SPAG16: variants seen among roughly 807,000 people sequenced by gnomAD.
SPAG16 encodes sperm-associated antigen 16 protein.
Under a neutral mutation model 80.4 loss-of-function variants are expected in SPAG16, and 86 were observed. That is an observed-to-expected ratio of 1.07 (90% CI 0.90 to 1.28). The LOEUF is 1.28. Ranked by LOEUF, SPAG16 falls within the 50% of genes most tolerant of loss-of-function variation. SPAG16 has a pLI of 0.00. For missense variants in SPAG16, 870 were observed against 765.3 expected (o/e 1.14, Z -1.61); for synonymous variants, 294 against 265.9 (o/e 1.11, Z -1.03).
intron 10 of SPAG16, among the ~76,000 whole-genome samples, chr2:213,775,260 A>G (rs2069502611): frequency 6.6e-6 from 1 of 152,032 alleles, no homozygotes; most frequent in African/African-American, 2.4e-5. Flanking sequence ...ACCATTTTGT[A>G]TTTCTTTGTA....
At chr2:214,112,639 C>CTT (rs56776022) in intron 14 of SPAG16, among the ~76,000 whole-genome samples, 46,761 of 112,534 alleles carry the variant, frequency 0.42, 11,309 homozygotes, top group Admixed American at 0.5. Context: ...GCAACCCCTG[C>CTT]TTTTTTTTTT....
In SPAG16 at chr2:214,264,569, T is replaced by A. The variant is rs1025239537; in HGVS notation, c.1720+115303T>A. Among the ~76,000 whole-genome samples, 4 of 152,188 alleles carry A rather than the reference T, an allele frequency of 2.6e-5. 1 individual carries two copies. The highest frequency in any genetic ancestry group is 9.7e-5 in the African/African-American group (4 of 41,446). ...CCCCCTTACACTATATTTTGTATTA[T>A]TAACATTTTGCATTCGTATGGTACA... On this transcript the variant is annotated intron_variant, in intron 15 of 15. Coordinates refer to ENST00000331683, the MANE Select transcript of SPAG16 (RefSeq NM_024532.5).
intron 11 of SPAG16, among the ~76,000 whole-genome samples, chr2:213,898,668 T>C (rs1315283107): frequency 6.6e-6 from 1 of 152,134 alleles, no homozygotes; most frequent in Non-Finnish European, 1.5e-5. Context: ...TATTTATACT[T>C]TAAGGATGAA....
intron 10 of SPAG16, among the ~76,000 whole-genome samples, chr2:213,522,884 G>T (rs1332497582): frequency 6.7e-6 from 1 of 149,542 alleles, no homozygotes; most frequent in African/African-American, 2.4e-5. Context: ...AGGCATTTTA[G>T]AATATATTTA....
At chr2:214,312,836 C>T (rs970781769) in intron 15 of SPAG16, among the ~76,000 whole-genome samples, 1 of 152,084 alleles carries the variant, frequency 6.6e-6, no homozygotes, top group Non-Finnish European at 1.5e-5. Context: ...TACTCTATTT[C>T]TGAATGGACT....
chr2:213,346,175 C>G lies in SPAG16; in HGVS notation c.645-4353C>G, dbSNP rs575043963. Among the ~76,000 whole-genome samples, 283 of 152,146 alleles carry G rather than the reference C, an allele frequency of 1.9e-3. 1 individual carries two copies. The highest frequency in any genetic ancestry group is 6.5e-3 in the African/African-American group (271 of 41,508). On this transcript the variant is annotated intron_variant, in intron 6 of 15. Transcript: ENST00000331683. ...ATGGGAGTTCACTCATGATTTGGCT[C>G]TCTGTTTGTCTGTTATTGGTGTATA...
chr2:213,453,885 G>A (rs73986873), intron 9 of SPAG16, among the ~76,000 whole-genome samples: 2,147 of 152,272 alleles, frequency 0.014, 45 homozygotes, highest in African/African-American at 0.048. Context: ...CAAAAACATT[G>A]CAGAGGAAAG....
intron 10 of SPAG16, among the ~76,000 whole-genome samples, chr2:213,796,640 G>A (rs1261074863): frequency 6.6e-6 from 1 of 152,098 alleles, no homozygotes; most frequent in East Asian, 1.9e-4. Flanking sequence ...TTAAGTTGTA[G>A]CACAATGCAT....
At chr2:214,300,258 A>G (rs1308592595) in intron 15 of SPAG16, among the ~76,000 whole-genome samples, 4 of 152,152 alleles carry the variant, frequency 2.6e-5, no homozygotes, top group African/African-American at 7.2e-5. Context: ...TCAATTGTTA[A>G]AAGCTATAAA....
chr2:214,111,509 T>C (rs2053662651), intron 14 of SPAG16, among the ~76,000 whole-genome samples: 4 of 152,204 alleles, frequency 2.6e-5, no homozygotes, highest in Admixed American at 2.6e-4. Context: ...TTGATACTAG[T>C]ACCATGCTCT....
intron 12 of SPAG16, among the ~76,000 whole-genome samples, chr2:213,959,333 C>T (rs990918546): frequency 1.3e-5 from 2 of 152,086 alleles, no homozygotes; most frequent in African/African-American, 4.8e-5. Flanking sequence ...AATATAGTCA[C>T]CACTTAATAT....
intron 15 of SPAG16, among the ~76,000 whole-genome samples, chr2:214,370,298 A>C (rs1453296214): frequency 1.2e-4 from 18 of 152,086 alleles, no homozygotes; most frequent in Non-Finnish European, 1.5e-5. Context: ...GTCATGACAA[A>C]ATTTTAAAGT....
At chr2:214,388,994 A>G (rs1378539427) in intron 15 of SPAG16, among the ~76,000 whole-genome samples, 1 of 152,194 alleles carries the variant, frequency 6.6e-6, no homozygotes, top group Non-Finnish European at 1.5e-5. Context: ...TGCCAGGTAA[A>G]CCATCTCTGG....
At chr2:214,198,899 C>T (rs548256014) in intron 15 of SPAG16, among the ~76,000 whole-genome samples, 1 of 152,070 alleles carries the variant, frequency 6.6e-6, no homozygotes, top group East Asian at 1.9e-4. Context: ...ATTTGTATAT[C>T]TTCTTTTGAG....
In SPAG16 at chr2:214,231,664, T is replaced by C. The variant is rs576025190; in HGVS notation, c.1720+82398T>C. Among the ~76,000 whole-genome samples, 5 of 152,136 alleles carry C rather than the reference T, an allele frequency of 3.3e-5. No individual in the cohort carries two copies. In the South Asian group the frequency reaches 1.0e-3, roughly 31 times the overall value. On this transcript the variant is annotated intron_variant, in intron 15 of 15. Coordinates refer to ENST00000331683, the MANE Select transcript of SPAG16 (RefSeq NM_024532.5). ...GCCCCCAAAAGAAGAAAAGAGGTGA[T>C]AGGATAAGGAAAGAGCACAAAGAAA...
chr2:213,798,525 T>C (rs995465531), intron 10 of SPAG16, among the ~76,000 whole-genome samples: 1 of 152,108 alleles, frequency 6.6e-6, no homozygotes, highest in Non-Finnish European at 1.5e-5. Context: ...AGAATGTTGG[T>C]ATTAACAGAT....
intron 15 of SPAG16, among the ~76,000 whole-genome samples, chr2:214,392,657 G>A (rs1425620385): frequency 6.7e-6 from 1 of 149,876 alleles, no homozygotes; most frequent in African/African-American, 2.5e-5. Flanking sequence ...AAGAGTTTAG[G>A]AGTAATTAGT....
chr2:214,150,154 A>G (rs889657425), intron 15 of SPAG16, among the ~76,000 whole-genome samples: 14 of 152,096 alleles, frequency 9.2e-5, no homozygotes, highest in Non-Finnish European at 1.8e-4. Flanking sequence ...TTATTGTTTT[A>G]AGATAGTCCA....
chr2:214,237,146 A>C (rs1257642438), intron 15 of SPAG16, among the ~76,000 whole-genome samples: 1 of 152,136 alleles, frequency 6.6e-6, no homozygotes, highest in Non-Finnish European at 1.5e-5. Context: ...GCACAATTTT[A>C]TCTCTTGTTC....
Sources: gnomAD v4.1 joint callset for allele counts (sites outside exome capture counted in the v4.1 genomes callset) on GRCh38, gnomAD v4.1.1 for gene constraint, MANE v1.5 for transcripts, NCBI Gene and HGNC (gene_info 2026-07-23, HGNC 2026-07-21) for gene names.